The following TGFBR2 variants were observed in gnomAD, a reference collection of about 807,000 sequenced individuals.
TGFBR2 encodes the protein transforming growth factor beta receptor 2.
TGFBR2 carries 18 observed loss-of-function variants against 49.0 expected under a neutral mutation model. The ratio of observed to expected loss-of-function variants is 0.37; its 90% CI spans 0.25 to 0.54. The LOEUF (loss-of-function observed/expected upper bound fraction) is 0.54, where lower values mean the gene tolerates loss of function less well. TGFBR2 is among the 20% of genes least tolerant of loss of function. TGFBR2 has a pLI of 0.85. For synonymous variants in TGFBR2, 282 were observed against 275.9 expected (o/e 1.02, Z -0.22); for missense variants, 525 against 722.6 (o/e 0.73, Z 3.13).
chr3:30,683,970 C>T (rs549374004), intron 5 of TGFBR2, among the ~76,000 whole-genome samples: 2 of 152,292 alleles, frequency 1.3e-5, no homozygotes, highest in South Asian at 2.1e-4. Context: ...TCTCTGGCCA[C>T]GATCTTCCCT....
intron 3 of TGFBR2, among the ~76,000 whole-genome samples, chr3:30,651,103 G>A (rs758382493): frequency 5.9e-5 from 9 of 152,120 alleles, no homozygotes; most frequent in East Asian, 1.9e-4. Flanking sequence ...GAAGTTCAGC[G>A]TTTACTCAGC....
rs533124072 is a variant in TGFBR2 at position 30,680,707 on chromosome 3, A to G, written c.1396+6461A>G. 2.0e-5 allele frequency among the ~76,000 whole-genome samples: 3 copies of G among 152,320 alleles called. No individual in the cohort carries two copies. The South Asian group carries it at 6.2e-4, about 32-fold the overall frequency. On this transcript the variant is annotated intron_variant, in intron 5 of 6. Transcript: ENST00000295754. ...GAATACAAAAGAAAAAAAAAAGAAA[A>G]CAAATCTTTCAGAATTGTTTGAAGT... is the stretch of plus-strand genomic sequence containing the variant.
chr3:30,612,963 G>A (rs574432223), intron 1 of TGFBR2, among the ~76,000 whole-genome samples: 19 of 152,252 alleles, frequency 1.2e-4, no homozygotes, highest in African/African-American at 3.6e-4. Flanking sequence ...CCTCTTGGGT[G>A]TAGTCAGTTT....
chr3:30,650,001 C>T (rs531696290), intron 2 of TGFBR2, among the ~76,000 whole-genome samples: 3 of 152,210 alleles, frequency 2.0e-5, no homozygotes, highest in South Asian at 4.1e-4. Flanking sequence ...AGGACTGCCC[C>T]GTGGAACGCT....
At chr3:30,660,975 G>A (rs142924394) in intron 3 of TGFBR2, among the ~76,000 whole-genome samples, 1 of 152,318 alleles carries the variant, frequency 6.6e-6, no homozygotes, top group East Asian at 1.9e-4. Flanking sequence ...CAGGGAGAGA[G>A]AGAGGATGTA....
chr3:30,683,896 T>G (rs1305889279), intron 5 of TGFBR2, among the ~76,000 whole-genome samples: 1 of 152,148 alleles, frequency 6.6e-6, no homozygotes, highest in African/African-American at 2.4e-5. Flanking sequence ...GAACGACCAT[T>G]GGTACCCACC....
chr3:30,611,495 A>C (rs1002436624), intron 1 of TGFBR2, among the ~76,000 whole-genome samples: 4 of 152,198 alleles, frequency 2.6e-5, no homozygotes, highest in Admixed American at 2.6e-4. Context: ...TTTAGCCATA[A>C]ATTTTGAATC....
chr3:30,671,685 A>G lies in TGFBR2; in HGVS notation c.502A>G (p.Thr168Ala), dbSNP rs1699339327. The G allele has an allele frequency of 6.2e-7, 1 of 1,614,086 alleles. No individual in the cohort carries two copies. The highest frequency in any genetic ancestry group is 1.3e-5 in the African/African-American group (1 of 74,936). ...PDLLLVIFQVTGISLLPPLGV... is the reference protein window; with the variant it reads ...PDLLLVIFQVAGISLLPPLGV... ...CTTGTTGCTAGTCATATTTCAAGTG[A>G]CAGGCATCAGCCTCCTGCCACCACT... Residue 168 changes from threonine to alanine, a missense_variant, in exon 4 of 7, where the codon ACA becomes GCA. Around this residue, in one of 3 missense-constraint regions of TGFBR2, gnomAD observed 376 missense variants for 478.2 expected, o/e 0.79. Transcript: ENST00000295754.
intron 1 of TGFBR2, among the ~76,000 whole-genome samples, chr3:30,621,498 C>A (rs1362376852): frequency 6.6e-6 from 1 of 152,064 alleles, no homozygotes; most frequent in Non-Finnish European, 1.5e-5. Context: ...CCATGCTGCT[C>A]TTGAACTTCT....
rs116509184 is a variant in TGFBR2, at chr3:30,626,232, G to T, written c.95-18515G>T. ...CACAGCAAAGAAATTCCATTTACTGGGTTGAAAACTCCCATCTGTTGACTT... is the reference window on the plus strand; with the variant it reads ...CACAGCAAAGAAATTCCATTTACTGTGTTGAAAACTCCCATCTGTTGACTT... On this transcript the variant is annotated intron_variant, in intron 1 of 6. Transcript: ENST00000295754. Among the ~76,000 whole-genome samples, 643 of 152,312 alleles carry T rather than the reference G, an allele frequency of 4.2e-3. 2 individuals carry two copies. The highest frequency in any genetic ancestry group is 0.015 in the African/African-American group (612 of 41,562).
rs769682815 is a variant in TGFBR2, at chr3:30,688,414, C to T, written c.1427C>T (p.Ser476Phe). 1.9e-6 allele frequency: 3 copies of T among 1,614,072 alleles called. No individual in the cohort carries two copies. In the East Asian group the frequency reaches 6.7e-5, roughly 36 times the overall value. ...EVKDYEPPFGSKVREHPCVES... is the reference protein window; with the variant it reads ...EVKDYEPPFGFKVREHPCVES... ...AAAGATTATGAGCCTCCATTTGGTT[C>T]CAAGGTGCGGGAGCACCCCTGTGTC... The change falls in exon 6 of 7, where the codon TCC (serine) becomes TTC (phenylalanine). Residue 476 changes from serine to phenylalanine, a missense_variant. This residue lies in a region of TGFBR2 where 104 missense variants were observed against 133.4 expected (regional missense o/e 0.78). Coordinates refer to ENST00000295754, the MANE Select transcript of TGFBR2 (RefSeq NM_003242.6).
At chr3:30,679,023 G>A (rs1264040490) in intron 5 of TGFBR2, among the ~76,000 whole-genome samples, 1 of 152,108 alleles carries the variant, frequency 6.6e-6, no homozygotes, top group Non-Finnish European at 1.5e-5. Flanking sequence ...GGATATTAAG[G>A]CTCCAAGCTC....
At chr3:30,691,276 C>G in intron 6 of TGFBR2, 144 bp from the exon 7 acceptor site, 1 of 864,774 alleles carries the variant, frequency 1.2e-6, no homozygotes, top group South Asian at 1.5e-5. Context: ...CCTGCAGCAG[C>G]AGGCACTCAG....
intron 1 of TGFBR2, among the ~76,000 whole-genome samples, chr3:30,612,547 A>G (rs920510728): frequency 2.6e-5 from 4 of 152,238 alleles, no homozygotes; most frequent in African/African-American, 9.6e-5. Flanking sequence ...TTTGTACCAC[A>G]GAAAATCAAG....
At chr3:30,684,183 A>G (rs1207869268) in intron 5 of TGFBR2, among the ~76,000 whole-genome samples, 1 of 152,216 alleles carries the variant, frequency 6.6e-6, no homozygotes, top group Non-Finnish European at 1.5e-5. Context: ...CTGCAATTGA[A>G]TATCAAAGAT....
At chr3:30,682,081 C>G (rs997114814) in intron 5 of TGFBR2, among the ~76,000 whole-genome samples, 6 of 152,152 alleles carry the variant, frequency 3.9e-5, no homozygotes, top group Non-Finnish European at 8.8e-5. Flanking sequence ...CCAGGCCGAG[C>G]TGGGAGGGTT....
chr3:30,610,173 G>C (rs546385891), intron 1 of TGFBR2, among the ~76,000 whole-genome samples: 2 of 152,328 alleles, frequency 1.3e-5, no homozygotes, highest in South Asian at 4.1e-4. Flanking sequence ...TACCATCTCA[G>C]ATGAATAAGA....
chr3:30,627,990 TG>T (rs1698364736), intron 1 of TGFBR2, among the ~76,000 whole-genome samples: 1 of 152,112 alleles, frequency 6.6e-6, no homozygotes, highest in Non-Finnish European at 1.5e-5. Context: ...TTTCCATTCC[TG>T]TGCTTTGGAA....
At chr3:30,621,861 A>G (rs1439976459) in intron 1 of TGFBR2, among the ~76,000 whole-genome samples, 3 of 152,114 alleles carry the variant, frequency 2.0e-5, no homozygotes, top group African/African-American at 7.2e-5. Flanking sequence ...GACAGGAGAG[A>G]ATATGTTAAC....
Sources: gnomAD v4.1 joint callset for allele counts (sites outside exome capture counted in the v4.1 genomes callset) on GRCh38, gnomAD v4.1.1 for gene constraint, gnomAD v4.1.1 regional missense constraint, MANE v1.5 for transcripts, NCBI Gene and HGNC (gene_info 2026-07-23, HGNC 2026-07-21) for gene names.